MCCC1: variants seen among roughly 807,000 people sequenced by gnomAD.
MCCC1 encodes the protein methylcrotonoyl-CoA carboxylase subunit alpha, mitochondrial.
Under a neutral mutation model 83.8 loss-of-function variants are expected in MCCC1, and 64 were observed. That is an observed-to-expected ratio of 0.76 (90% CI 0.62 to 0.94). MCCC1 has a LOEUF of 0.94. Ranked by LOEUF, MCCC1 falls within the 40% of genes least tolerant of loss-of-function variation. The pLI is 0.00. For synonymous variants in MCCC1, 322 were observed against 315.4 expected (o/e 1.02, Z -0.22); for missense variants, 807 against 904.7 (o/e 0.89, Z 1.39).
upstream of MCCC1, among the ~76,000 whole-genome samples, chr3:183,102,758 GTTTTTTTTTTTTTTTTTTTTTTTTTTTT>G (rs566199257): frequency 0.011 from 564 of 52,216 alleles, 19 homozygotes; most frequent in Admixed American, 0.11. Flanking sequence ...AGCAGAGAAA[GTTTTTTTTTTTTTTTTTTTTTTTTTTTT>G]TTTTTTTTTT....
chr3:183,113,440 A>G (rs1353919941), intron 1 of MCCC1, among the ~76,000 whole-genome samples: 10 of 151,350 alleles, frequency 6.6e-5, no homozygotes, highest in Non-Finnish European at 1.0e-4. Context: ...GGGGACGGAT[A>G]GCATTAGGAG....
chr3:183,061,739 T>C (rs1715849110), intron 7 of MCCC1, among the ~76,000 whole-genome samples: 1 of 152,240 alleles, frequency 6.6e-6, no homozygotes, highest in Non-Finnish European at 1.5e-5. Flanking sequence ...CTGACTTTCA[T>C]TTTGTTTAGC....
chr3:183,043,365 C>T (rs965176378), intron 10 of MCCC1, among the ~76,000 whole-genome samples: 5 of 152,236 alleles, frequency 3.3e-5, no homozygotes, highest in African/African-American at 1.2e-4. Flanking sequence ...AAAAGACAGG[C>T]CCCAATCATG....
At chr3:183,057,543 G>A in intron 7 of MCCC1, 121 bp from the exon 8 acceptor site, 1 of 830,880 alleles carries the variant, frequency 1.2e-6, no homozygotes, top group Non-Finnish European at 2.0e-6. Context: ...CTTTAAGTAA[G>A]ATCTGATATT....
At chr3:183,070,976 T>C (rs774722634) in intron 7 of MCCC1, 23 bp downstream of exon 7, 5 of 1,609,502 alleles carry the variant, frequency 3.1e-6, no homozygotes, top group South Asian at 1.1e-5. Context: ...AAACTCTGAG[T>C]CAGAAAAATA....
At chr3:183,115,497 G>C (rs1015762049) in exon 1 of MCCC1, 4 of 152,276 alleles carry the variant, frequency 2.6e-5, no homozygotes. Context: ...GTCCGTGCCA[G>C]CGGATTCTTG....
chr3:183,093,752 T>C (rs1718533469), intron 2 of MCCC1, among the ~76,000 whole-genome samples: 1 of 152,064 alleles, frequency 6.6e-6, no homozygotes. Flanking sequence ...ATGGATGACA[T>C]ATGTATGAGT....
chr3:183,088,162 C>T (rs1718040123), intron 3 of MCCC1, among the ~76,000 whole-genome samples: 2 of 150,778 alleles, frequency 1.3e-5, no homozygotes, highest in South Asian at 4.2e-4. Flanking sequence ...TAAGGGAGCA[C>T]ACAAAGAGAC....
At chr3:183,089,822 C>T (rs907175156) in intron 3 of MCCC1, among the ~76,000 whole-genome samples, 9 of 152,066 alleles carry the variant, frequency 5.9e-5, no homozygotes, top group African/African-American at 1.9e-4. Flanking sequence ...TGGTGTTGTA[C>T]TCTACGGGGT....
intron 7 of MCCC1, among the ~76,000 whole-genome samples, chr3:183,070,724 G>A (rs1408729443): frequency 1.1e-5 from 1 of 92,838 alleles, no homozygotes; most frequent in Admixed American, 1.4e-4. Context: ...CTGAATGAGA[G>A]ACTCCGTCCA....
At chr3:183,101,102 C>T (rs1389805507), upstream of MCCC1, among the ~76,000 whole-genome samples, 1 of 152,258 alleles carries the variant, frequency 6.6e-6, no homozygotes, top group Admixed American at 6.5e-5. Context: ...GCGCTGCGCT[C>T]GATTTCTCGC....
intron 10 of MCCC1, among the ~76,000 whole-genome samples, chr3:183,043,015 T>C (rs1381712859): frequency 2.0e-5 from 3 of 152,140 alleles, no homozygotes; most frequent in African/African-American, 7.2e-5. Context: ...CTGGGTCAGG[T>C]GTGGTGGCTC....
intron 4 of MCCC1, among the ~76,000 whole-genome samples, chr3:183,074,556 T>C (rs1162972652): frequency 1.3e-5 from 2 of 152,060 alleles, no homozygotes; most frequent in Non-Finnish European, 2.9e-5. Flanking sequence ...AAAGAACATT[T>C]CAAAATTAAA....
In MCCC1 at chr3:183,057,374, G is replaced by A; in HGVS notation, c.810C>T (p.Tyr270=). The change falls in exon 8 of 19, where the codon TAC becomes TAT. Residue 270 remains tyrosine, a synonymous_variant. Transcript: ENST00000265594. The part of the protein sequence containing the change: ...VFGDHHGNAV[Y]LFERDCSVQR... Reference sequence around the variant, plus strand: ...GCACACTACAGTCTCTTTCAAACAAGTACACAGCATTGCCATGGTGATCAC... The same window carrying A: ...GCACACTACAGTCTCTTTCAAACAAATACACAGCATTGCCATGGTGATCAC... The A allele has an allele frequency of 6.2e-7, 1 of 1,610,996 alleles. No individual in the cohort carries two copies. The highest frequency in any genetic ancestry group is 8.5e-7 in the Non-Finnish European group (1 of 1,178,396).
intron 1 of MCCC1, among the ~76,000 whole-genome samples, chr3:183,105,066 C>T (rs1022703808): frequency 2.6e-5 from 4 of 152,162 alleles, no homozygotes; most frequent in Non-Finnish European, 5.9e-5. Context: ...ACATGCAGGC[C>T]GGGTGTGGTG....
chr3:183,086,049 G>A (rs898635197), intron 4 of MCCC1, among the ~76,000 whole-genome samples: 2 of 152,190 alleles, frequency 1.3e-5, no homozygotes, highest in African/African-American at 4.8e-5. Context: ...TATTATTAAA[G>A]GGTAATTTCA....
chr3:183,093,399 G>C (rs1176654991), intron 2 of MCCC1, among the ~76,000 whole-genome samples: 2 of 152,150 alleles, frequency 1.3e-5, no homozygotes, highest in Non-Finnish European at 2.9e-5. Flanking sequence ...CTTCAACCTA[G>C]ATCTGCGTCA....
chr3:183,097,964 G>T (rs1718862802), intron 1 of MCCC1, among the ~76,000 whole-genome samples: 1 of 152,066 alleles, frequency 6.6e-6, no homozygotes, highest in South Asian at 2.1e-4. Flanking sequence ...GCCCAGGCTG[G>T]AGTGCAGTGG....
intron 11 of MCCC1, among the ~76,000 whole-genome samples, chr3:183,040,569 A>AAAG (rs2108476923): frequency 6.6e-6 from 1 of 150,578 alleles, no homozygotes; most frequent in African/African-American, 2.4e-5. Context: ...AAAAAAAAAA[A>AAAG]AAAATTAGCT....
Sources: allele counts gnomAD v4.1 joint callset (sites outside exome capture counted in the v4.1 genomes callset), GRCh38; gene constraint gnomAD v4.1.1; transcripts MANE v1.5; gene names NCBI Gene and HGNC (gene_info 2026-07-23, HGNC 2026-07-21).